CDC42BPB: variants seen among roughly 807,000 people sequenced by gnomAD.
CDC42BPB encodes the protein serine/threonine-protein kinase MRCK beta.
CDC42BPB carries 37 observed loss-of-function variants against 214.9 expected under a neutral mutation model. The ratio of observed to expected loss-of-function variants is 0.17; its 90% CI spans 0.13 to 0.23. The LOEUF (loss-of-function observed/expected upper bound fraction) is 0.23. Among genes scored for constraint, CDC42BPB ranks in the 10% least tolerant of loss-of-function variants. The pLI, the probability that CDC42BPB is intolerant of heterozygous loss-of-function variation, is 1.00. For synonymous variants in CDC42BPB, 931 were observed against 884.0 expected (o/e 1.05, Z -0.94); for missense variants, 1,694 against 2,227.0 (o/e 0.76, Z 4.82).
In CDC42BPB at chr14:102,944,107, T is replaced by C. The variant is rs755548130; in HGVS notation, c.4192A>G (p.Ser1398Gly). The change falls in exon 30 of 37, where the codon AGC (serine) becomes GGC (glycine). Residue 1398 changes from serine to glycine, a missense_variant. Transcript: ENST00000361246. This position sits in a 1 kb window ranked among gnomAD's most constrained non-coding sequence, Gnocchi z 6.6. ...VGYPSGFCLL[S>G]IQGDGQPLNL... ...AGAGGCTGCCCGTCCCCCTGGATGC[T>C]CAGCAGGCAGAACCCAGAAGGGTAG... 3.0e-5 allele frequency: 49 copies of C among 1,613,190 alleles called. No homozygotes were observed. The highest frequency in any genetic ancestry group is 4.0e-5 in the Non-Finnish European group (47 of 1,180,006).
chr14:102,973,179 G>A (rs919429790), intron 12 of CDC42BPB, among the ~76,000 whole-genome samples: 5 of 152,312 alleles, frequency 3.3e-5, no homozygotes, highest in African/African-American at 4.8e-5. Flanking sequence ...CTCTGGGCCC[G>A]CTGGGAGGTA....
intron 36 of CDC42BPB, among the ~76,000 whole-genome samples, chr14:102,934,513 G>C (rs1276194615): frequency 2.7e-5 from 4 of 150,516 alleles, no homozygotes; most frequent in Non-Finnish European, 5.9e-5. Context: ...CAGCCTGGGC[G>C]ACAGAGCGAG....
At chr14:102,962,013 A>G (rs1282708570) in intron 20 of CDC42BPB, among the ~76,000 whole-genome samples, 1 of 152,258 alleles carries the variant, frequency 6.6e-6, no homozygotes, top group Non-Finnish European at 1.5e-5. Context: ...GCAAACAATA[A>G]AAACATATAA....
intron 2 of CDC42BPB, among the ~76,000 whole-genome samples, chr14:103,009,795 G>A (rs1480659650): frequency 1.3e-5 from 2 of 152,188 alleles, no homozygotes; most frequent in Non-Finnish European, 2.9e-5. Context: ...ACAGCTCAAT[G>A]CTTGGTAGCA....
At chr14:103,033,377 A>G (rs912187533) in intron 1 of CDC42BPB, among the ~76,000 whole-genome samples, 19 of 152,112 alleles carry the variant, frequency 1.2e-4, no homozygotes, top group Non-Finnish European at 2.1e-4. Context: ...GCCCACCACC[A>G]TGCCCAGCTA....
At chr14:102,993,927 C>T (rs913187187) in intron 5 of CDC42BPB, among the ~76,000 whole-genome samples, 5 of 151,384 alleles carry the variant, frequency 3.3e-5, no homozygotes, top group East Asian at 1.9e-4. Context: ...TTAGGCTTAA[C>T]TTTTTTGGTT....
At position 102,947,763 on chromosome 14, in the gene CDC42BPB, A is replaced by G. The variant is rs935383398; in HGVS notation, c.3489T>C (p.Asp1163=). ...EFSVSSVLAS[D]VIHATRRDIP... is the part of the protein sequence containing the mutation. ...TATCTCGGCGTGTAGCATGAATGAC[A>G]TCTGAGGCCAGGACTGAGCTCACGG... Residue 1163 remains aspartate, a synonymous_variant, in exon 27 of 37, where the codon GAT becomes GAC. Coordinates refer to ENST00000361246, the MANE Select transcript of CDC42BPB (RefSeq NM_006035.4). 3 of 1,612,654 alleles carry G rather than the reference A, an allele frequency of 1.9e-6. No individual in the cohort carries two copies. The highest frequency in any genetic ancestry group is 2.7e-5 in the African/African-American group (2 of 75,036).
At chr14:102,953,263 A>T (rs144605717) in intron 23 of CDC42BPB, among the ~76,000 whole-genome samples, 173 of 152,350 alleles carry the variant, frequency 1.1e-3, no homozygotes, top group Admixed American at 2.9e-3. Flanking sequence ...AGTGACCGAC[A>T]CAAACTCCAG....
At chr14:102,953,679 G>A (rs1471705393) in intron 23 of CDC42BPB, among the ~76,000 whole-genome samples, 1 of 152,242 alleles carries the variant, frequency 6.6e-6, no homozygotes, top group Non-Finnish European at 1.5e-5. Flanking sequence ...TACAGAAGAA[G>A]CCGAGGCCAG....
chr14:103,010,607 C>T (rs1471197111), intron 2 of CDC42BPB, among the ~76,000 whole-genome samples: 1 of 152,242 alleles, frequency 6.6e-6, no homozygotes, highest in Admixed American at 6.5e-5. Context: ...CAGAGCACAC[C>T]TGCTGCTGGG....
At chr14:103,048,986 G>A (rs949862709) in intron 1 of CDC42BPB, among the ~76,000 whole-genome samples, 1 of 152,110 alleles carries the variant, frequency 6.6e-6, no homozygotes. Flanking sequence ...ACATGGCTTA[G>A]CTGTGAAGAC....
chr14:103,040,898 G>T (rs1053518449), intron 1 of CDC42BPB, among the ~76,000 whole-genome samples: 2 of 152,140 alleles, frequency 1.3e-5, no homozygotes, highest in African/African-American at 4.8e-5. Context: ...ATCCCAGCTG[G>T]CTTACTATTA....
At chr14:102,998,391 C>G (rs1460251618) in intron 5 of CDC42BPB, among the ~76,000 whole-genome samples, 1 of 152,310 alleles carries the variant, frequency 6.6e-6, no homozygotes, top group Non-Finnish European at 1.5e-5. Flanking sequence ...GTGTAATCAG[C>G]GGGGCCAGGG....
chr14:102,947,848 G>A, intron 26 of CDC42BPB, 46 bp from the exon 27 acceptor site: 1 of 1,609,418 alleles, frequency 6.2e-7, no homozygotes. Context: ...ACGCGCACAG[G>A]ACCCAAGGCC....
chr14:102,956,446 T>C (rs940384176), intron 21 of CDC42BPB: 1 of 984,236 alleles, frequency 1.0e-6, no homozygotes, highest in Non-Finnish European at 1.2e-6. Context: ...TCAAAGACAA[T>C]TTTCAAAAGA....
At chr14:102,991,691 CA>C (rs1566886951) in intron 5 of CDC42BPB, among the ~76,000 whole-genome samples, 1 of 152,048 alleles carries the variant, frequency 6.6e-6, no homozygotes, top group African/African-American at 2.4e-5. Flanking sequence ...TAATAGGAGC[CA>C]AAATATTAAC....
At chr14:102,974,934 A>G (rs1297509201) in intron 11 of CDC42BPB, among the ~76,000 whole-genome samples, 1 of 152,006 alleles carries the variant, frequency 6.6e-6, no homozygotes, top group Non-Finnish European at 1.5e-5. Flanking sequence ...TGACAGAGTG[A>G]GACTCCGTCT....
At chr14:103,021,018 C>G (rs1021000751) in intron 1 of CDC42BPB, among the ~76,000 whole-genome samples, 1 of 152,184 alleles carries the variant, frequency 6.6e-6, no homozygotes, top group Non-Finnish European at 1.5e-5. Flanking sequence ...CCTCTTAACC[C>G]CAAATACAGT....
At chr14:103,029,858 C>CAAAAAAAAAAAAAAAAAAAAAAAAAA (rs11299296) in intron 1 of CDC42BPB, among the ~76,000 whole-genome samples, 1 of 62,358 alleles carries the variant, frequency 1.6e-5, no homozygotes, top group Non-Finnish European at 2.9e-5. Flanking sequence ...ACTCCATCTC[C>CAAAAAAAAAAAAAAAAAAAAAAAAAA]AAAAAAAAAA....
Sources: allele counts gnomAD v4.1 joint callset (sites outside exome capture counted in the v4.1 genomes callset), GRCh38; gene constraint gnomAD v4.1.1; non-coding constraint Gnocchi (gnomAD v3.1); transcripts MANE v1.5; gene names NCBI Gene and HGNC (gene_info 2026-07-23, HGNC 2026-07-21).